The following LHFPL3 variants were observed in gnomAD, a reference collection of about 807,000 sequenced individuals.
LHFPL3 encodes LHFPL tetraspan subfamily member 3 protein.
LHFPL3 carries 5 observed loss-of-function variants against 19.3 expected under a neutral mutation model. The observed-to-expected ratio is 0.26, with a 90% CI of 0.14 to 0.54. The LOEUF is 0.54. LHFPL3 is among the 20% of genes least tolerant of loss of function. LHFPL3 has a pLI of 0.94. For synonymous variants in LHFPL3, 133 were observed against 126.2 expected (o/e 1.05, Z -0.36); for missense variants, 249 against 307.4 (o/e 0.81, Z 1.42).
At chr7:104,713,745 C>A (rs1340258269) in intron 1 of LHFPL3, among the ~76,000 whole-genome samples, 1 of 152,168 alleles carries the variant, frequency 6.6e-6, no homozygotes, top group Non-Finnish European at 1.5e-5. Flanking sequence ...TTCTATAATT[C>A]TATCAGCATT....
intron 1 of LHFPL3, among the ~76,000 whole-genome samples, chr7:104,707,691 T>C (rs1317553262): frequency 2.0e-5 from 3 of 152,304 alleles, no homozygotes; most frequent in South Asian, 4.1e-4. Context: ...CTAGCTCCAT[T>C]CTGGGTTATA....
At chr7:104,366,790 G>A (rs1584270247) in intron 1 of LHFPL3, among the ~76,000 whole-genome samples, 2 of 152,182 alleles carry the variant, frequency 1.3e-5, no homozygotes, top group African/African-American at 4.8e-5. Context: ...TAGGGATTCA[G>A]TAAATACAAT....
At chr7:104,465,022 A>G (rs1584338351) in intron 1 of LHFPL3, among the ~76,000 whole-genome samples, 1 of 152,240 alleles carries the variant, frequency 6.6e-6, no homozygotes, top group Non-Finnish European at 1.5e-5. Context: ...AATTTCTTCC[A>G]CCAGATACCC....
chr7:104,520,037 G>A (rs1174279867), intron 1 of LHFPL3, among the ~76,000 whole-genome samples: 2 of 151,646 alleles, frequency 1.3e-5, no homozygotes, highest in African/African-American at 4.8e-5. Flanking sequence ...TTTTCAAAGG[G>A]AATGCTTCCA....
At chr7:104,449,009 TAAG>T (rs1792382246) in intron 1 of LHFPL3, among the ~76,000 whole-genome samples, 1 of 152,214 alleles carries the variant, frequency 6.6e-6, no homozygotes, top group Non-Finnish European at 1.5e-5. Context: ...AGATTAAAAT[TAAG>T]ATGATGCCTT....
chr7:104,788,905 C>T (rs2116441645), intron 2 of LHFPL3, among the ~76,000 whole-genome samples: 1 of 152,248 alleles, frequency 6.6e-6, no homozygotes, highest in East Asian at 1.9e-4. Flanking sequence ...AAATATATAG[C>T]AGAAGTTACC....
chr7:104,360,623 T>A (rs1277839665), intron 1 of LHFPL3, among the ~76,000 whole-genome samples: 1 of 151,832 alleles, frequency 6.6e-6, no homozygotes, highest in African/African-American at 2.4e-5. Context: ...GGCTTTGTAG[T>A]CATTATATTT....
chr7:104,594,129 A>C (rs972993605), intron 1 of LHFPL3, among the ~76,000 whole-genome samples: 1 of 152,176 alleles, frequency 6.6e-6, no homozygotes, highest in East Asian at 1.9e-4. Flanking sequence ...TCTTCATAGC[A>C]TCAGTAGTTT....
chr7:104,850,232 G>A (rs560767853), intron 2 of LHFPL3, among the ~76,000 whole-genome samples: 1 of 151,828 alleles, frequency 6.6e-6, no homozygotes, highest in South Asian at 2.1e-4. Flanking sequence ...AACCTGGGAG[G>A]CAGAGGTTGC....
chr7:104,787,451 A>G (rs1156239324), intron 2 of LHFPL3, among the ~76,000 whole-genome samples: 1 of 152,206 alleles, frequency 6.6e-6, no homozygotes, highest in Non-Finnish European at 1.5e-5. Flanking sequence ...TGGGAAGTCC[A>G]AGATTAAGGC....
intron 2 of LHFPL3, among the ~76,000 whole-genome samples, chr7:104,772,645 A>G (rs997327371): frequency 2.0e-5 from 3 of 152,232 alleles, no homozygotes; most frequent in Non-Finnish European, 4.4e-5. Context: ...AGAGATAAAG[A>G]AGAACACAGA....
At position 104,834,060 on chromosome 7, in the gene LHFPL3, T is replaced by C. The variant is rs1002066376; in HGVS notation, c.683-72127T>C. Among the ~76,000 whole-genome samples the C allele has an allele frequency of 8.6e-5, 13 of 150,650 alleles. No homozygotes were observed. In the East Asian group the frequency reaches 2.6e-3, roughly 30 times the overall value. ...TCTAGCACAGGAGAAAATTGTAGGCTGGAAGACTAGGCCAGTCTCACCTTT... is the reference window on the plus strand; with the variant it reads ...TCTAGCACAGGAGAAAATTGTAGGCCGGAAGACTAGGCCAGTCTCACCTTT... On this transcript the variant is annotated intron_variant, in intron 2 of 2. Coordinates refer to ENST00000424859, the MANE Select transcript of LHFPL3 (RefSeq NM_199000.3).
At chr7:104,641,825 G>C (rs1015646928) in intron 1 of LHFPL3, among the ~76,000 whole-genome samples, 1 of 151,948 alleles carries the variant, frequency 6.6e-6, no homozygotes, top group East Asian at 1.9e-4. Flanking sequence ...ATTATTTATA[G>C]GTATAGAAAA....
intron 2 of LHFPL3, chr7:104,744,069 C>T (rs1263368813): frequency 1.3e-5 from 2 of 150,756 alleles, no homozygotes; most frequent in African/African-American, 4.9e-5. Context: ...CAACTGGTCT[C>T]GCGAAGTCCT....
At chr7:104,517,870 G>A (rs1177878707) in intron 1 of LHFPL3, among the ~76,000 whole-genome samples, 2 of 152,068 alleles carry the variant, frequency 1.3e-5, no homozygotes, top group African/African-American at 4.8e-5. Context: ...TTGTTACAGG[G>A]TGGGGACCTG....
intron 2 of LHFPL3, among the ~76,000 whole-genome samples, chr7:104,887,146 C>A (rs1792165003): frequency 6.6e-6 from 1 of 152,218 alleles, no homozygotes; most frequent in Non-Finnish European, 1.5e-5. Flanking sequence ...CACTGACTTC[C>A]ACCAGGGGTA....
chr7:104,705,907 A>G (rs948583725), intron 1 of LHFPL3, among the ~76,000 whole-genome samples: 1 of 152,106 alleles, frequency 6.6e-6, no homozygotes, highest in African/African-American at 2.4e-5. Context: ...ACAGGACTCT[A>G]CTTGTCAGAC....
intron 1 of LHFPL3, among the ~76,000 whole-genome samples, chr7:104,499,928 A>G (rs1793567847): frequency 6.6e-6 from 1 of 152,254 alleles, no homozygotes; most frequent in African/African-American, 2.4e-5. Context: ...AAGCCAGCAG[A>G]TTAAAAAGAT....
chr7:104,330,056 G>A (rs1192649979), intron 1 of LHFPL3, among the ~76,000 whole-genome samples: 1 of 152,214 alleles, frequency 6.6e-6, no homozygotes. Flanking sequence ...GTTGCTAGCT[G>A]GAGGATATGA....
Sources: gnomAD v4.1 joint callset for allele counts (sites outside exome capture counted in the v4.1 genomes callset) on GRCh38, gnomAD v4.1.1 for gene constraint, MANE v1.5 for transcripts, NCBI Gene and HGNC (gene_info 2026-07-23, HGNC 2026-07-21) for gene names.